The following IMMP2L variants were observed in gnomAD, a reference collection of about 807,000 sequenced individuals.
The protein encoded by IMMP2L is inner mitochondrial membrane peptidase subunit 2, also known as mitochondrial inner membrane protease subunit 2.
IMMP2L carries 18 observed loss-of-function variants against 19.3 expected under a neutral mutation model. That is an observed-to-expected ratio of 0.93 (90% CI 0.64 to 1.38). IMMP2L has a LOEUF of 1.38. Among genes scored for constraint, IMMP2L ranks in the 40% most tolerant of loss-of-function variants. The probability of loss-of-function intolerance (pLI) is 0.00; values close to 1 mark genes in which losing one functional copy is unlikely to be tolerated. For missense variants in IMMP2L, 233 were observed against 218.2 expected, an observed-to-expected ratio of 1.07 and a Z score of -0.43; for synonymous variants, 76 against 73.0, an observed-to-expected ratio of 1.04 and a Z score of -0.21.
chr7:110,969,494 A>G (rs1819914354), intron 3 of IMMP2L, among the ~76,000 whole-genome samples: 1 of 152,026 alleles, frequency 6.6e-6, no homozygotes, highest in African/African-American at 2.4e-5. Context: ...TTGTCCTGAT[A>G]TCCCCGAGAA....
chr7:111,164,051 A>G (rs1805554618), intron 3 of IMMP2L, among the ~76,000 whole-genome samples: 1 of 151,070 alleles, frequency 6.6e-6, no homozygotes, highest in Non-Finnish European at 1.5e-5. Context: ...GAACACTGGT[A>G]AAGGCATAGT....
chr7:111,335,309 T>C (rs1192012170), intron 3 of IMMP2L, among the ~76,000 whole-genome samples: 3 of 152,092 alleles, frequency 2.0e-5, no homozygotes, highest in Non-Finnish European at 2.9e-5. Context: ...AATATCTCTC[T>C]GTTATTATAA....
In IMMP2L at chr7:111,522,207, T is replaced by C. The variant is rs184098177; in HGVS notation, c.-2-758A>G. ...AGTGTTGGTGTTGTTGTTGTCGTTG[T>C]TGTTTTTAGACAGGGTCTCACTCTG... On this transcript the variant is annotated intron_variant, in intron 1 of 5. Coordinates refer to ENST00000405709, the MANE Select transcript of IMMP2L (RefSeq NM_032549.4). 3.9e-5 allele frequency among the ~76,000 whole-genome samples: 6 copies of C among 152,242 alleles called. No homozygotes were observed. The East Asian group carries it at 9.7e-4, about 25-fold the overall frequency.
intron 3 of IMMP2L, among the ~76,000 whole-genome samples, chr7:111,187,955 G>T (rs547401048): frequency 3.9e-5 from 6 of 151,994 alleles, no homozygotes; most frequent in Admixed American, 1.3e-4. Context: ...AAGGGAAAAT[G>T]GATTTTTTGT....
intron 3 of IMMP2L, among the ~76,000 whole-genome samples, chr7:111,469,704 A>T (rs1394029587): frequency 6.6e-6 from 1 of 152,176 alleles, no homozygotes; most frequent in Non-Finnish European, 1.5e-5. Context: ...CCTGCCTTAC[A>T]TCTTATACAA....
intron 3 of IMMP2L, among the ~76,000 whole-genome samples, chr7:111,470,644 T>C (rs1419775723): frequency 6.8e-6 from 1 of 147,786 alleles, no homozygotes; most frequent in Non-Finnish European, 1.5e-5. Flanking sequence ...AAACACCGCA[T>C]GTTCTCACTC....
At chr7:111,292,040 T>G (rs1487621204) in intron 3 of IMMP2L, among the ~76,000 whole-genome samples, 1 of 152,148 alleles carries the variant, frequency 6.6e-6, no homozygotes, top group East Asian at 1.9e-4. Flanking sequence ...CAGCTGCTCA[T>G]CATCACTCAT....
At chr7:111,275,730 G>A (rs930512698) in intron 3 of IMMP2L, among the ~76,000 whole-genome samples, 3 of 152,096 alleles carry the variant, frequency 2.0e-5, no homozygotes, top group African/African-American at 7.2e-5. Context: ...TTTCATCAGT[G>A]TTTTGTAGTT....
At chr7:110,703,325 A>G (rs1418040941) in intron 5 of IMMP2L, among the ~76,000 whole-genome samples, 1 of 151,748 alleles carries the variant, frequency 6.6e-6, no homozygotes. Flanking sequence ...GTATTGTTGG[A>G]ATCAATCTGC....
chr7:111,508,741 G>T (rs762523245), intron 2 of IMMP2L, among the ~76,000 whole-genome samples: 1 of 152,116 alleles, frequency 6.6e-6, no homozygotes, highest in Non-Finnish European at 1.5e-5. Flanking sequence ...ATTAGGAAAG[G>T]GTAGGTATAT....
At chr7:110,918,452 C>CT (rs1029668134) in intron 4 of IMMP2L, among the ~76,000 whole-genome samples, 14,407 of 130,446 alleles carry the variant, frequency 0.11, 967 homozygotes, top group African/African-American at 0.18. Context: ...TTCTTTTTTT[C>CT]TTTTTTTTTT....
At chr7:111,437,394 G>A (rs931344941) in intron 3 of IMMP2L, among the ~76,000 whole-genome samples, 2 of 151,786 alleles carry the variant, frequency 1.3e-5, no homozygotes, top group African/African-American at 4.9e-5. Flanking sequence ...GCACTGAGCC[G>A]AGATCACGCC....
intron 3 of IMMP2L, among the ~76,000 whole-genome samples, chr7:111,310,739 T>C (rs1347552678): frequency 6.6e-6 from 1 of 152,142 alleles, no homozygotes; most frequent in African/African-American, 2.4e-5. Context: ...ATGAATGTAA[T>C]GAGCTTCTTG....
intron 3 of IMMP2L, among the ~76,000 whole-genome samples, chr7:110,983,189 AAAAC>A (rs1434092293): frequency 6.6e-6 from 1 of 152,106 alleles, no homozygotes; most frequent in African/African-American, 2.4e-5. Context: ...TATTATCTAT[AAAAC>A]AAACAAAAAC....
chr7:111,368,075 C>T (rs1410421465), intron 3 of IMMP2L, among the ~76,000 whole-genome samples: 1 of 151,446 alleles, frequency 6.6e-6, no homozygotes, highest in Non-Finnish European at 1.5e-5. Context: ...AATCTATACA[C>T]ACTAGATAAT....
At chr7:111,431,802 G>C (rs1836659141) in intron 3 of IMMP2L, among the ~76,000 whole-genome samples, 1 of 151,372 alleles carries the variant, frequency 6.6e-6, no homozygotes, top group South Asian at 2.1e-4. Flanking sequence ...TTTTGTTGTT[G>C]TTGCTGTTGT....
chr7:111,010,187 G>T (rs1824783660), intron 3 of IMMP2L, among the ~76,000 whole-genome samples: 2 of 152,048 alleles, frequency 1.3e-5, no homozygotes, highest in African/African-American at 4.8e-5. Context: ...ATATCATTCT[G>T]CTTCCTTTCT....
At chr7:110,704,003 A>G (rs888553519) in intron 5 of IMMP2L, among the ~76,000 whole-genome samples, 4 of 151,384 alleles carry the variant, frequency 2.6e-5, no homozygotes, top group Non-Finnish European at 5.9e-5. Flanking sequence ...CTGCCACCAC[A>G]CCCGGCTAAT....
At chr7:111,158,690 C>T (rs949828440) in intron 3 of IMMP2L, among the ~76,000 whole-genome samples, 1 of 152,060 alleles carries the variant, frequency 6.6e-6, no homozygotes, top group Non-Finnish European at 1.5e-5. Flanking sequence ...CAAAGATCCA[C>T]AAATACATAT....
Sources: allele counts gnomAD v4.1 joint callset (sites outside exome capture counted in the v4.1 genomes callset), GRCh38; gene constraint gnomAD v4.1.1; transcripts MANE v1.5; gene names NCBI Gene and HGNC (gene_info 2026-07-23, HGNC 2026-07-21).